Variants in TMC1 observed in about 807,000 individuals in gnomAD.
The protein encoded by TMC1 is transmembrane channel-like protein 1.
A neutral mutation model predicts 105.8 loss-of-function variants in TMC1; 84 were observed. The ratio of observed to expected loss-of-function variants is 0.79; its 90% CI spans 0.67 to 0.95. The LOEUF (loss-of-function observed/expected upper bound fraction) is 0.95. TMC1 is among the 40% of genes least tolerant of loss of function. The pLI, the probability that TMC1 is intolerant of heterozygous loss-of-function variation, is 0.00. For missense variants in TMC1, 817 were observed against 914.1 expected (o/e 0.89, Z 1.37); for synonymous variants, 315 against 311.5 (o/e 1.01, Z -0.12).
intron 1 of TMC1, among the ~76,000 whole-genome samples, chr9:72,565,623 G>C (rs1052006595): frequency 6.6e-6 from 1 of 152,060 alleles, no homozygotes; most frequent in Non-Finnish European, 1.5e-5. Flanking sequence ...TTTTCCTACT[G>C]CTATGTGAAG....
At chr9:72,638,383 T>A (rs1400995325) in intron 4 of TMC1, among the ~76,000 whole-genome samples, 1 of 152,138 alleles carries the variant, frequency 6.6e-6, no homozygotes, top group Non-Finnish European at 1.5e-5. Flanking sequence ...GCTCTTCCAA[T>A]TCATCGGCTG....
chr9:72,590,817 G>T (rs1199240216), intron 2 of TMC1, among the ~76,000 whole-genome samples: 1 of 152,178 alleles, frequency 6.6e-6, no homozygotes, highest in African/African-American at 2.4e-5. Context: ...TTTTGAGCAT[G>T]TAAGAGGGTG....
chr9:72,627,774 T>C (rs569910391), intron 3 of TMC1, 147 bp from the exon 4 acceptor site: 2 of 302,876 alleles, frequency 6.6e-6, no homozygotes, highest in African/African-American at 4.4e-5. Flanking sequence ...GTCTGTGGCA[T>C]CTTTTTAACA....
intron 5 of TMC1, among the ~76,000 whole-genome samples, chr9:72,676,009 A>T (rs1244074941): frequency 3.3e-5 from 5 of 152,114 alleles, no homozygotes; most frequent in Non-Finnish European, 5.9e-5. Context: ...TTGTTTATTG[A>T]TCAATCTGAG....
intron 18 of TMC1, among the ~76,000 whole-genome samples, chr9:72,811,109 G>A (rs1187983998): frequency 6.6e-6 from 1 of 152,104 alleles, no homozygotes; most frequent in Admixed American, 6.6e-5. Context: ...TCTGTGAATT[G>A]AAATGAGGTT....
intron 1 of TMC1, among the ~76,000 whole-genome samples, chr9:72,549,901 C>T (rs1020088206): frequency 4.0e-5 from 6 of 151,644 alleles, no homozygotes; most frequent in Admixed American, 6.6e-5. Flanking sequence ...TGTGAGCCAC[C>T]GAGCCCGGCC....
chr9:72,582,697 T>A (rs1179789833), intron 2 of TMC1, among the ~76,000 whole-genome samples: 5 of 152,238 alleles, frequency 3.3e-5, no homozygotes, highest in African/African-American at 1.2e-4. Flanking sequence ...ATAACACTCT[T>A]GATTTTGAAA....
At chr9:72,547,635 G>C (rs528772234) in intron 1 of TMC1, among the ~76,000 whole-genome samples, 4 of 152,230 alleles carry the variant, frequency 2.6e-5, no homozygotes, top group African/African-American at 9.6e-5. Context: ...CAAATTTGCT[G>C]TTCTCAAAAT....
chr9:72,802,617 C>G (rs1588090582), intron 17 of TMC1, among the ~76,000 whole-genome samples: 1 of 152,210 alleles, frequency 6.6e-6, no homozygotes, highest in East Asian at 1.9e-4. Context: ...AGGCAGAAAT[C>G]AAGATGTTCC....
intron 12 of TMC1, among the ~76,000 whole-genome samples, chr9:72,756,161 T>C (rs1040517102): frequency 2.6e-5 from 4 of 152,216 alleles, no homozygotes; most frequent in Admixed American, 6.5e-5. Context: ...AGTTGGACTT[T>C]CCATTTCAAT....
At chr9:72,824,236 G>T (rs1026212712) in intron 20 of TMC1, among the ~76,000 whole-genome samples, 1 of 152,238 alleles carries the variant, frequency 6.6e-6, no homozygotes, top group Non-Finnish European at 1.5e-5. Flanking sequence ...CCCAGAGGGG[G>T]TGTTACAATG....
At chr9:72,686,982 C>T (rs1033266581) in intron 5 of TMC1, among the ~76,000 whole-genome samples, 1 of 152,154 alleles carries the variant, frequency 6.6e-6, no homozygotes, top group South Asian at 2.1e-4. Flanking sequence ...TTTTCTCTCC[C>T]GTGGTTATTA....
At chr9:72,658,329 G>A (rs1281414807) in intron 5 of TMC1, among the ~76,000 whole-genome samples, 4 of 148,034 alleles carry the variant, frequency 2.7e-5, no homozygotes, top group East Asian at 2.0e-4. Context: ...GTGAGACTCC[G>A]TCTAAAAAAA....
intron 1 of TMC1, among the ~76,000 whole-genome samples, chr9:72,527,676 G>C (rs140664426): frequency 1.3e-5 from 2 of 152,262 alleles, no homozygotes; most frequent in East Asian, 3.9e-4. Context: ...CCCTGCGACC[G>C]CTGCTGCTGT....
chr9:72,551,553 C>T (rs1015356629), intron 1 of TMC1, among the ~76,000 whole-genome samples: 4 of 152,144 alleles, frequency 2.6e-5, no homozygotes, highest in African/African-American at 9.7e-5. Context: ...CTGCTTTTCT[C>T]AGCCAGACCT....
At chr9:72,759,914 C>T (rs1203984290) in intron 12 of TMC1, among the ~76,000 whole-genome samples, 1 of 152,102 alleles carries the variant, frequency 6.6e-6, no homozygotes, top group East Asian at 1.9e-4. Flanking sequence ...CTGACTGCTC[C>T]TGGAACATTT....
intron 5 of TMC1, among the ~76,000 whole-genome samples, chr9:72,656,782 T>C (rs964060778): frequency 3.3e-5 from 5 of 152,228 alleles, no homozygotes; most frequent in East Asian, 1.9e-4. Flanking sequence ...TGGATTTCTT[T>C]TTTTTCCCCC....
intron 13 of TMC1, among the ~76,000 whole-genome samples, chr9:72,774,203 T>A (rs139612508): frequency 4.1e-4 from 63 of 152,310 alleles, no homozygotes; most frequent in African/African-American, 1.5e-3. Context: ...AATAAATGAT[T>A]TTCTGGCAGA....
At chr9:72,821,212 G>C (rs544395797) in intron 20 of TMC1, 131 bp downstream of exon 20, 9 of 1,416,180 alleles carry the variant, frequency 6.4e-6, no homozygotes, top group Non-Finnish European at 8.9e-6. Context: ...ATGAGATCCC[G>C]GCTGGGCGCA....
Sources: allele counts gnomAD v4.1 joint callset (sites outside exome capture counted in the v4.1 genomes callset), GRCh38; gene constraint gnomAD v4.1.1; transcripts MANE v1.5; gene names NCBI Gene and HGNC (gene_info 2026-07-23, HGNC 2026-07-21).